RPTOR: variants seen among roughly 807,000 people sequenced by gnomAD.
RPTOR encodes the protein regulatory associated protein of MTOR complex 1.
In RPTOR, 21 loss-of-function variants were observed where a neutral mutation model predicts 169.9. That is an observed-to-expected ratio of 0.12 (90% CI 0.09 to 0.18). The LOEUF (loss-of-function observed/expected upper bound fraction) is 0.18. Ranked by LOEUF, RPTOR falls within the 10% of genes least tolerant of loss-of-function variation. The probability of loss-of-function intolerance (pLI) is 1.00; values close to 1 mark genes in which losing one functional copy is unlikely to be tolerated. For missense variants in RPTOR, 1,133 were observed against 1,855.9 expected (o/e 0.61, Z 7.16); for synonymous variants, 732 against 753.2 (o/e 0.97, Z 0.46).
intron 1 of RPTOR, among the ~76,000 whole-genome samples, chr17:80,578,948 G>A (rs2064990174): frequency 6.6e-6 from 1 of 152,142 alleles, no homozygotes. Flanking sequence ...TGCTGGACAG[G>A]TTTGAACTTC....
chr17:80,935,429 C>T (rs113173366), intron 24 of RPTOR, among the ~76,000 whole-genome samples: 1,900 of 152,146 alleles, frequency 0.012, 25 homozygotes, highest in Non-Finnish European at 0.02. Flanking sequence ...AAGTTAGAAG[C>T]CTCACACTAT....
intron 5 of RPTOR, among the ~76,000 whole-genome samples, chr17:80,737,223 C>A (rs2066440834): frequency 1.3e-5 from 2 of 152,164 alleles, no homozygotes; most frequent in Non-Finnish European, 2.9e-5. Flanking sequence ...CTGCCCATCA[C>A]TGCGTGTCTG....
In RPTOR at chr17:80,823,386, A is replaced by C; in HGVS notation, c.1136+163A>C. The C allele has an allele frequency of 1.1e-6, 1 of 870,552 alleles. No individual in the cohort carries two copies. The highest frequency in any genetic ancestry group is 1.7e-6 in the Non-Finnish European group (1 of 588,772). 53.9% of individuals were successfully genotyped at this position (870,552 alleles called of 1,614,324 possible). On this transcript the variant is annotated intron_variant, in intron 9 of 33. Coordinates refer to ENST00000306801, the MANE Select transcript of RPTOR (RefSeq NM_020761.3). The surrounding 1 kb of genome is among the most constrained non-coding windows in gnomAD (Gnocchi z 4.5). ...AAATGCAGGGCTCCCAGAGATCTCCACACAGAGGAGTGGGGGTCTCCTTCA... is the reference window on the plus strand; with the variant it reads ...AAATGCAGGGCTCCCAGAGATCTCCCCACAGAGGAGTGGGGGTCTCCTTCA...
At chr17:80,606,522 T>C (rs1326619726) in intron 1 of RPTOR, among the ~76,000 whole-genome samples, 1 of 152,154 alleles carries the variant, frequency 6.6e-6, no homozygotes. Context: ...TGCAGTTGTG[T>C]AGCAATTTTT....
chr17:80,785,023 A>G (rs962913113), intron 6 of RPTOR, among the ~76,000 whole-genome samples: 1 of 152,184 alleles, frequency 6.6e-6, no homozygotes, highest in Non-Finnish European at 1.5e-5. Flanking sequence ...TGCCACTCTG[A>G]GCTATATTTG....
chr17:80,661,810 A>G (rs2143649362), intron 3 of RPTOR, among the ~76,000 whole-genome samples: 1 of 151,996 alleles, frequency 6.6e-6, no homozygotes, highest in East Asian at 1.9e-4. Context: ...GTTCCAAGAC[A>G]GTGGCTGTGA....
intron 13 of RPTOR, among the ~76,000 whole-genome samples, chr17:80,862,475 C>T (rs532270508): frequency 6.7e-6 from 1 of 150,106 alleles, no homozygotes; most frequent in Non-Finnish European, 1.5e-5. Context: ...TCCACCCCTA[C>T]CCCCCCATGA....
chr17:80,961,719 G>C, intron 31 of RPTOR: 1 of 512,332 alleles, frequency 2.0e-6, no homozygotes, highest in East Asian at 3.3e-5. Flanking sequence ...TTCCTGGGCT[G>C]CCAACTGCGG....
intron 24 of RPTOR, among the ~76,000 whole-genome samples, chr17:80,929,706 G>C (rs1258389459): frequency 6.6e-6 from 1 of 152,190 alleles, no homozygotes; most frequent in Non-Finnish European, 1.5e-5. Flanking sequence ...TGCACCATTA[G>C]AAACTCAGGC....
At chr17:80,889,819 G>A (rs887095877) in intron 17 of RPTOR, among the ~76,000 whole-genome samples, 4 of 140,106 alleles carry the variant, frequency 2.9e-5, no homozygotes, top group South Asian at 4.7e-4. Context: ...GGAGGCCCCC[G>A]TACGCAGCAG....
chr17:80,694,609 C>T lies in RPTOR; in HGVS notation c.349-13232C>T, dbSNP rs141188771. 9.0e-3 allele frequency among the ~76,000 whole-genome samples: 1,366 copies of T among 152,310 alleles called. 17 individuals are homozygous for T. Among genetic ancestry groups the T allele is most frequent in the African/African-American group, 0.027 (1,137 of 41,554 alleles). On this transcript the variant is annotated intron_variant, in intron 3 of 33. Transcript: ENST00000306801. Reference sequence around the variant, plus strand: ...CCCAGTTCTCTGCCTGCCAGGCAGGCGTGCACATATGGAGTGTCTGGGAAC... The same window carrying T: ...CCCAGTTCTCTGCCTGCCAGGCAGGTGTGCACATATGGAGTGTCTGGGAAC...
chr17:80,624,833 T>G (rs113227031), intron 1 of RPTOR, among the ~76,000 whole-genome samples: 3 of 152,182 alleles, frequency 2.0e-5, no homozygotes, highest in African/African-American at 7.2e-5. Context: ...AGGCCAGGGT[T>G]TTGTTCAAAT....
rs150681203 is a variant in RPTOR, at chr17:80,800,043, C to T, written c.890+8534C>T. On this transcript the variant is annotated intron_variant, in intron 7 of 33. Coordinates refer to ENST00000306801, the MANE Select transcript of RPTOR (RefSeq NM_020761.3). ...TAGGGGTCCGTGTTGGGTAAGTGCA[C>T]GGCAGGTGGCCCCCTGGCCGAGAGC... is the stretch of plus-strand genomic sequence containing the variant. 2.1e-3 allele frequency among the ~76,000 whole-genome samples: 315 copies of T among 152,310 alleles called. 1 individual carries two copies. Among genetic ancestry groups the T allele is most frequent in the Non-Finnish European group, 2.7e-3 (186 of 68,024 alleles).
At chr17:80,616,298 C>CTTTTTTTTTTTTTTTTTTTTTTTTTTTT (rs201229448) in intron 1 of RPTOR, among the ~76,000 whole-genome samples, 1 of 113,272 alleles carries the variant, frequency 8.8e-6, no homozygotes, top group Non-Finnish European at 1.7e-5. Context: ...AATTGAAAAT[C>CTTTTTTTTTTTTTTTTTTTTTTTTTTTT]TTTTTTTTTT....
At chr17:80,700,454 A>ATGGTGGTGGTGG (rs759730484) in intron 3 of RPTOR, among the ~76,000 whole-genome samples, 1 of 100,942 alleles carries the variant, frequency 9.9e-6, no homozygotes, top group African/African-American at 3.9e-5. Context: ...GGTGGTGGTG[A>ATGGTGGTGGTGG]TGGTGGTGGT....
intron 4 of RPTOR, among the ~76,000 whole-genome samples, chr17:80,709,506 C>T (rs1376875622): frequency 1.3e-5 from 2 of 152,242 alleles, no homozygotes; most frequent in Admixed American, 6.5e-5. Flanking sequence ...CTCACTTGGT[C>T]GGAGGCTCTG....
chr17:80,595,887 C>G (rs997760639), intron 1 of RPTOR, among the ~76,000 whole-genome samples: 1 of 152,190 alleles, frequency 6.6e-6, no homozygotes, highest in African/African-American at 2.4e-5. Flanking sequence ...CGTCAACCAC[C>G]TGCCATGCTG....
chr17:80,545,843 A>G (rs756878512), intron 1 of RPTOR, 52 bp downstream of exon 1: 2 of 1,459,174 alleles, frequency 1.4e-6, no homozygotes, highest in Non-Finnish European at 1.8e-6. Flanking sequence ...CCCAACAAAG[A>G]AAGTTTACAG....
chr17:80,564,072 T>C (rs2084540283), intron 1 of RPTOR, among the ~76,000 whole-genome samples: 1 of 151,964 alleles, frequency 6.6e-6, no homozygotes, highest in Non-Finnish European at 1.5e-5. Context: ...TTTTCTTTTT[T>C]TTTTTTTGGA....
Sources: allele counts gnomAD v4.1 joint callset (sites outside exome capture counted in the v4.1 genomes callset), GRCh38; gene constraint gnomAD v4.1.1; non-coding constraint Gnocchi (gnomAD v3.1); transcripts MANE v1.5; gene names NCBI Gene and HGNC (gene_info 2026-07-23, HGNC 2026-07-21).